Variants in MANSC4 observed in about 807,000 individuals in gnomAD.
MANSC4 encodes the protein MANSC domain-containing protein 4.
Under a neutral mutation model 11.4 loss-of-function variants are expected in MANSC4, and 11 were observed. The observed-to-expected ratio is 0.97, with a 90% CI of 0.61 to 1.60. The LOEUF is 1.60. Ranked by LOEUF, MANSC4 falls within the 40% of genes most tolerant of loss-of-function variation. The pLI is 0.00. For missense variants in MANSC4, 354 were observed against 404.6 expected, an observed-to-expected ratio of 0.88 and a Z score of 1.07; for synonymous variants, 123 against 147.1, an observed-to-expected ratio of 0.84 and a Z score of 1.19.
chr12:27,763,517 C>T (rs982184488), intron 3 of MANSC4, 121 bp from the exon 4 acceptor site: 7 of 814,392 alleles, frequency 8.6e-6, no homozygotes, highest in South Asian at 3.7e-5. Context: ...GCTAAATTCA[C>T]GTTCTACTAC....
chr12:27,779,914 C>G (rs1052783137), intron 1 of MANSC4: 1 of 151,286 alleles, frequency 6.6e-6, no homozygotes, highest in Admixed American at 6.6e-5. Context: ...GGCGCCCGGG[C>G]CCGCAGCTTC....
rs572153051 is a variant in MANSC4, at chr12:27,762,885, G to A, written c.876C>T (p.Cys292=). The A allele has an allele frequency of 1.9e-6, 3 of 1,552,134 alleles. No individual in the cohort carries two copies. The highest frequency in any genetic ancestry group is 2.6e-6 in the Non-Finnish European group (3 of 1,147,116). The change falls in exon 4 of 4, where the codon TGC becomes TGT. Residue 292 remains cysteine, a synonymous_variant. Coordinates refer to ENST00000381273, the MANE Select transcript of MANSC4 (RefSeq NM_001146221.5). ...SKTWLVSVAL[C]TSVIFLGCCI... ...AACAGCCGAGAAAGATGACAGAGGT[G>A]CAAAGGGCCACAGAAACCAGCCAAG...
chr12:27,770,602 G>A (rs1286646625), intron 2 of MANSC4, among the ~76,000 whole-genome samples: 6 of 152,098 alleles, frequency 3.9e-5, no homozygotes, highest in Admixed American at 1.3e-4. Flanking sequence ...ACTTTGGGAG[G>A]CTGAGGCAGG....
chr12:27,777,404 A>C (rs2062123096), intron 1 of MANSC4, among the ~76,000 whole-genome samples: 1 of 152,166 alleles, frequency 6.6e-6, no homozygotes, highest in Non-Finnish European at 1.5e-5. Flanking sequence ...CGTAGGTCCA[A>C]GTCTCTTTGA....
chr12:27,766,066 A>G (rs1332271467), intron 3 of MANSC4, among the ~76,000 whole-genome samples: 1 of 146,916 alleles, frequency 6.8e-6, no homozygotes, highest in Non-Finnish European at 1.5e-5. Flanking sequence ...CTCAGCCACC[A>G]CAGGACCTTT....
chr12:27,779,187 C>T (rs1036281012), intron 1 of MANSC4, among the ~76,000 whole-genome samples: 3 of 151,996 alleles, frequency 2.0e-5, no homozygotes, highest in African/African-American at 7.2e-5. Flanking sequence ...TGTGGTCTCT[C>T]TTAATAGTCC....
At chr12:27,769,405 T>A (rs1410379591) in intron 2 of MANSC4, among the ~76,000 whole-genome samples, 4 of 152,216 alleles carry the variant, frequency 2.6e-5, no homozygotes, top group African/African-American at 4.8e-5. Flanking sequence ...TTCTTTCTTG[T>A]TCTGAAGGAA....
Position 27,771,487 on chromosome 12 carries a change from T to G in MANSC4, c.-211A>C, listed in dbSNP as rs1319498447. On this transcript the variant is annotated 5_prime_UTR_variant, in exon 2 of 4. Coordinates refer to ENST00000381273, the MANE Select transcript of MANSC4 (RefSeq NM_001146221.5). Reference sequence around the variant, plus strand: ...CCGAGCTCCAGGTGAACATTTGATTTGCTGGCATTCTTTCTGAACACTTTC... The same window carrying G: ...CCGAGCTCCAGGTGAACATTTGATTGGCTGGCATTCTTTCTGAACACTTTC... Among the ~76,000 whole-genome samples, 1 of 152,238 alleles carries G rather than the reference T, an allele frequency of 6.6e-6. No homozygotes were observed. Among genetic ancestry groups the G allele is most frequent in the African/African-American group, 2.4e-5 (1 of 41,462 alleles).
chr12:27,771,816 T>A (rs1488437871), intron 1 of MANSC4, among the ~76,000 whole-genome samples: 1 of 152,208 alleles, frequency 6.6e-6, no homozygotes, highest in Non-Finnish European at 1.5e-5. Context: ...TCTTTGAACT[T>A]AAGTTCTGGC....
intron 3 of MANSC4, 51 bp downstream of exon 3, chr12:27,766,614 A>G (rs540758944): frequency 1.3e-6 from 2 of 1,531,350 alleles, no homozygotes; most frequent in African/African-American, 2.8e-5. Context: ...ATATGCCTCT[A>G]CTAGAATATC....
At chr12:27,777,751 T>C (rs999839288) in intron 1 of MANSC4, among the ~76,000 whole-genome samples, 2 of 152,178 alleles carry the variant, frequency 1.3e-5, no homozygotes, top group Non-Finnish European at 2.9e-5. Context: ...ACATTTTCTA[T>C]GTCTTTTATT....
intron 2 of MANSC4, among the ~76,000 whole-genome samples, chr12:27,767,700 C>T (rs532951865): frequency 3.8e-4 from 57 of 151,820 alleles, no homozygotes; most frequent in Non-Finnish European, 6.3e-4. Flanking sequence ...TCCGTCTCAA[C>T]AACAACAACA....
chr12:27,774,871 A>G (rs1335552329), intron 1 of MANSC4, among the ~76,000 whole-genome samples: 2 of 152,082 alleles, frequency 1.3e-5, no homozygotes, highest in African/African-American at 4.8e-5. Flanking sequence ...AAAATACAAA[A>G]AAATTAGCTG....
At position 27,763,020 on chromosome 12, in the gene MANSC4, A is replaced by G; in HGVS notation, c.741T>C (p.Pro247=). 1 of 1,551,746 alleles carries G rather than the reference A, an allele frequency of 6.4e-7. No homozygotes were observed. The highest frequency in any genetic ancestry group is 1.2e-5 in the South Asian group (1 of 84,068). Residue 247 remains proline, a synonymous_variant, in exon 4 of 4, where the codon CCT becomes CCC. Transcript: ENST00000381273. ...EPIDTKLSHM[P]VPPGLNSSKQ... is the part of the protein sequence containing the mutation. ...TGCTACTGTTGAGTCCAGGTGGAAC[A>G]GGCATATGAGAAAGTTTTGTGTCTA...
chr12:27,769,351 T>C (rs1206309803), intron 2 of MANSC4, among the ~76,000 whole-genome samples: 1 of 152,242 alleles, frequency 6.6e-6, no homozygotes, highest in African/African-American at 2.4e-5. Flanking sequence ...TTGTGGCATT[T>C]TAAAGTTATG....
intron 1 of MANSC4, among the ~76,000 whole-genome samples, chr12:27,773,806 A>T (rs1230082918): frequency 1.3e-5 from 2 of 152,110 alleles, no homozygotes; most frequent in Non-Finnish European, 2.9e-5. Context: ...CATTTAAATC[A>T]CTCCATAAGC....
Position 27,771,228 on chromosome 12 carries a change from C to T in MANSC4, c.49G>A (p.Gly17Arg), listed in dbSNP as rs1332020631. The change falls in exon 2 of 4, where the codon GGG becomes AGG. Residue 17 changes from glycine (G) to arginine (R), a missense_variant. Gly to Arg is a moderately radical substitution (Grantham distance 125). Transcript: ENST00000381273. ...GAGCAGAGAGAGTCTGATGTCCACC[C>T]CATGCTTAGGAGCAATATCACGTTC... Reference protein sequence around the residue: ...AVNVILLLSMGWTSDSLCSPT... With the variant: ...AVNVILLLSMRWTSDSLCSPT... 6.4e-7 allele frequency: 1 copy of T among 1,551,724 alleles called. No homozygotes were observed. Among genetic ancestry groups the T allele is most frequent in the South Asian group, 1.2e-5 (1 of 84,038 alleles).
intron 2 of MANSC4, among the ~76,000 whole-genome samples, chr12:27,770,125 A>T (rs1358179737): frequency 6.6e-6 from 1 of 152,196 alleles, no homozygotes; most frequent in Non-Finnish European, 1.5e-5. Context: ...TTTTTAATAC[A>T]TTCCACATTT....
At position 27,766,663 on chromosome 12, in the gene MANSC4, A is replaced by G. The variant is rs1465687046; in HGVS notation, c.364+2T>C. 45 of 1,550,122 alleles carry G rather than the reference A, an allele frequency of 2.9e-5. No individual in the cohort carries two copies. Among genetic ancestry groups the G allele is most frequent in the Non-Finnish European group, 3.8e-5 (44 of 1,146,658 alleles). On this transcript the variant is annotated splice_donor_variant, in intron 3 of 3. Transcript: ENST00000381273. LOFTEE classifies it high-confidence loss of function. ...TAAAGTCTTGAAATATGTAATCATT[A>G]CCGTCTGTTATGTTGTACAAAATGG...
Sources: gnomAD v4.1 joint callset for allele counts (sites outside exome capture counted in the v4.1 genomes callset) on GRCh38, gnomAD v4.1.1 for gene constraint, MANE v1.5 for transcripts, NCBI Gene and HGNC (gene_info 2026-07-23, HGNC 2026-07-21) for gene names.